MUC6: variants seen among roughly 807,000 people sequenced by gnomAD.
MUC6 encodes mucin 6, oligomeric mucus/gel-forming (gene/pseudogene).
A neutral mutation model predicts 201.5 loss-of-function variants in MUC6; 188 were observed. The observed-to-expected ratio is 0.93, with a 90% CI of 0.83 to 1.05. The LOEUF is 1.05. MUC6 is among the 50% of genes least tolerant of loss of function. MUC6 has a pLI of 0.00. For synonymous variants in MUC6, 1,228 were observed against 1,389.4 expected (o/e 0.88, Z 2.58); for missense variants, 2,706 against 3,256.9 (o/e 0.83, Z 4.12).
At chr11:1,025,679 G>A (rs1172670206) in intron 22 of MUC6, 126 bp downstream of exon 22, 2 of 953,460 alleles carry the variant, frequency 2.1e-6, no homozygotes, top group Non-Finnish European at 3.2e-6. Flanking sequence ...CACCCCTCAA[G>A]GAGAGGCAGG....
chr11:1,020,883 TCC>T, intron 27 of MUC6, 149 bp from the exon 28 acceptor site: 1 of 1,060,864 alleles, frequency 9.4e-7, no homozygotes, highest in African/African-American at 1.6e-5. Context: ...CTCCCCTCTC[TCC>T]CTTTCTCCTT....
chr11:1,028,165 G>A lies in MUC6; in HGVS notation c.1753+61C>T, dbSNP rs1356057839. On this transcript the variant is annotated intron_variant, in intron 14 of 32. Transcript: ENST00000421673. Reference sequence around the variant, plus strand: ...AGCTGGGCCTGTGGTCCAGTCCAGGGGTCTGTCAGAACTGTGGGCGCTGGG... The same window carrying A: ...AGCTGGGCCTGTGGTCCAGTCCAGGAGTCTGTCAGAACTGTGGGCGCTGGG... The A allele has an allele frequency of 3.2e-6, 5 of 1,538,528 alleles. No homozygotes were observed. The African/African-American group carries it at 5.5e-5, about 17-fold the overall frequency.
intron 24 of MUC6, among the ~76,000 whole-genome samples, chr11:1,024,492 G>C (rs557467162): frequency 3.3e-5 from 5 of 152,214 alleles, no homozygotes; most frequent in Non-Finnish European, 7.3e-5. Context: ...GCCGGATCAC[G>C]CCCTGGGCTG....
intron 6 of MUC6, 32 bp downstream of exon 6, chr11:1,030,915 G>T: frequency 6.5e-7 from 1 of 1,547,054 alleles, no homozygotes; most frequent in Admixed American, 2.0e-5. Flanking sequence ...GTCAGACCTG[G>T]GGTCAGCCCC....
rs191637858 is a variant in MUC6 at position 1,021,183 on chromosome 11, G to A, written c.3589+32C>T. 1.3e-5 allele frequency: 20 copies of A among 1,537,382 alleles called. No homozygotes were observed. The East Asian group carries it at 4.2e-4, about 33-fold the overall frequency. The stretch of plus-strand genomic sequence containing the variant: ...GCGTTCTGCCTGCATGCAGGCAGGG[G>A]CAGGGTTCTCAGGGCAGCCGACTGG... On this transcript the variant is annotated intron_variant, in intron 27 of 32. Coordinates refer to ENST00000421673, the MANE Select transcript of MUC6 (RefSeq NM_005961.3).
intron 28 of MUC6, among the ~76,000 whole-genome samples, 172 bp downstream of exon 28, chr11:1,020,512 C>G (rs1337892699): frequency 6.6e-6 from 1 of 152,112 alleles, no homozygotes; most frequent in Admixed American, 6.5e-5. Context: ...CAGGCTGCTT[C>G]CTGGCTGTGG....
intron 27 of MUC6, 78 bp downstream of exon 27, chr11:1,021,137 T>G: frequency 1.5e-6 from 2 of 1,365,202 alleles, no homozygotes; most frequent in Non-Finnish European, 2.0e-6. Context: ...GCTCTCTCCC[T>G]TGTTTGTGGG....
At chr11:1,032,767 T>G (rs906489825) in intron 2 of MUC6, among the ~76,000 whole-genome samples, 2 of 150,582 alleles carry the variant, frequency 1.3e-5, no homozygotes, top group Non-Finnish European at 3.0e-5. Context: ...TGTAGAGTGT[T>G]GGGTGTGTGT....
intron 24 of MUC6, 118 bp downstream of exon 24, chr11:1,024,726 C>G (rs956004197): frequency 1.4e-6 from 2 of 1,449,540 alleles, no homozygotes; most frequent in African/African-American, 1.4e-5. Context: ...TGCACCCTGA[C>G]CTGGCTGGTC....
chr11:1,027,984 T>G lies in MUC6; in HGVS notation c.1829A>C (p.Asn610Thr). Reference protein sequence around the residue: ...TVFERCHATVNPAPFYKRCVY... With the variant: ...TVFERCHATVTPAPFYKRCVY... ...CCTCACCTTGTAGAAGGGTGCAGGG[T>G]TCACTGTGGCGTGGCACCTCTCGAA... The change falls in exon 15 of 33, where the codon AAC becomes ACC. Residue 610 changes from asparagine to threonine, a missense_variant. Around this residue, in one of 10 missense-constraint regions of MUC6, gnomAD observed 1,850 missense variants for 1,958.3 expected, o/e 0.94. Transcript: ENST00000421673. 1 of 1,580,066 alleles carries G rather than the reference T, an allele frequency of 6.3e-7. No homozygotes were observed. The highest frequency in any genetic ancestry group is 1.2e-5 in the South Asian group (1 of 86,484).
In MUC6 at chr11:1,013,142, G is replaced by C. The variant is rs1856514944; in HGVS notation, c.*314C>G. On this transcript the variant is annotated 3_prime_UTR_variant, in exon 33 of 33. Transcript: ENST00000421673. The stretch of plus-strand genomic sequence containing the variant: ...CTGGGCCCAGCAGGGCTGGGGCCAA[G>C]TTCAGGGGCTGGGAGGTGTTGGACG... 2.4e-6 allele frequency: 1 copy of C among 420,664 alleles called. No individual in the cohort carries two copies. The highest frequency in any genetic ancestry group is 4.2e-5 in the East Asian group (1 of 23,548). The allele number at this position is 420,664 out of a possible 1,614,324, so 26.1% of individuals were successfully genotyped here.
chr11:1,028,538 G>A (rs899393781), intron 13 of MUC6, 108 bp downstream of exon 13: 74 of 1,537,944 alleles, frequency 4.8e-5, no homozygotes, highest in Non-Finnish European at 6.1e-5. Context: ...GGGGCTCCCC[G>A]GACACAGAGG....
intron 26 of MUC6, among the ~76,000 whole-genome samples, chr11:1,022,119 G>A (rs12276666): frequency 0.51 from 59,883 of 118,466 alleles, 14,805 homozygotes; most frequent in Middle Eastern, 0.67. Flanking sequence ...GCAGCCCCGC[G>A]CCCCTCACTC....
Position 1,023,396 on chromosome 11 carries a change from TAATG to T in MUC6, c.3526+109_3526+112del, listed in dbSNP as rs370691058. The T allele has an allele frequency of 6.0e-3, 7,907 of 1,314,662 alleles. 359 individuals are homozygous for T. In the African/African-American group the frequency reaches 0.11, roughly 19 times the overall value. The allele number at this position is 1,314,662 out of a possible 1,614,324, so 81.4% of individuals were successfully genotyped here. A position where few individuals can be genotyped will look rare whatever the true frequency, so the allele number is the denominator to read the frequency against. ...TGTGCAAATTAATGAATGTGTGAAT[TAATG>T]AGCATGAATGAATGTGTGAATGAAT... On this transcript the variant is annotated intron_variant, in intron 26 of 32. Coordinates refer to ENST00000421673, the MANE Select transcript of MUC6 (RefSeq NM_005961.3).
chr11:1,025,912 C>T lies in MUC6; in HGVS notation c.2692G>A (p.Val898Ile), dbSNP rs1199747141. The T allele has an allele frequency of 1.7e-5, 27 of 1,609,622 alleles. No individual in the cohort carries two copies. The highest frequency in any genetic ancestry group is 6.7e-5 in the East Asian group (3 of 44,746). ...GNCEYILATD[V>I]CGVNDSQPTF... ...GGCTGTGAGTCGTTGACACCACAGA[C>T]GTCCTGCAGGGAGAGGGCGCTGAGG... Residue 898 changes from valine (V) to isoleucine (I), a missense_variant, in exon 22 of 33, where the codon GTC becomes ATC. Transcript: ENST00000421673.
chr11:1,015,532 G>A (rs1856582088), intron 31 of MUC6, among the ~76,000 whole-genome samples: 1 of 152,156 alleles, frequency 6.6e-6, no homozygotes, highest in Non-Finnish European at 1.5e-5. Flanking sequence ...GTTAGCTGGG[G>A]AACAAGGCCC....
chr11:1,028,727 C>G lies in MUC6; in HGVS notation c.1510G>C (p.Gly504Arg). ...CGCAGCTGGACCACGAGCTCCAGCC[C>G]GAAGCTGGTGGCCATCTGGAGGTGG... is the stretch of plus-strand genomic sequence containing the variant. ...STHLQMATSFGLELVVQLRPI... is the reference protein window; with the variant it reads ...STHLQMATSFRLELVVQLRPI... Residue 504 changes from glycine (G) to arginine (R), a missense_variant, in exon 13 of 33, where the codon GGG becomes CGG. By Grantham distance (125) the Gly-to-Arg change is moderately radical. This residue lies in a region of MUC6 where 1,850 missense variants were observed against 1,958.3 expected (regional missense o/e 0.94). Coordinates refer to ENST00000421673, the MANE Select transcript of MUC6 (RefSeq NM_005961.3). The G allele has an allele frequency of 1.2e-6, 2 of 1,612,356 alleles. No individual in the cohort carries two copies. Among genetic ancestry groups the G allele is most frequent in the Non-Finnish European group, 1.7e-6 (2 of 1,179,676 alleles).
intron 26 of MUC6, among the ~76,000 whole-genome samples, chr11:1,022,041 C>T (rs1035940366): frequency 3.3e-5 from 5 of 151,734 alleles, no homozygotes; most frequent in Non-Finnish European, 5.9e-5. Context: ...CTCTGCAGCC[C>T]GGTGCCCCTC....
chr11:1,021,660 C>T (rs1211014787), intron 26 of MUC6, among the ~76,000 whole-genome samples: 1 of 152,104 alleles, frequency 6.6e-6, no homozygotes, highest in African/African-American at 2.4e-5. Context: ...TTCACCCGCG[C>T]ACCTTGCTCT....
Sources: gnomAD v4.1 joint callset for allele counts (sites outside exome capture counted in the v4.1 genomes callset) on GRCh38, gnomAD v4.1.1 for gene constraint, gnomAD v4.1.1 regional missense constraint, MANE v1.5 for transcripts, NCBI Gene and HGNC (gene_info 2026-07-23, HGNC 2026-07-21) for gene names.